SPATA13: variants seen among roughly 807,000 people sequenced by gnomAD.
SPATA13 encodes the protein spermatogenesis associated 13.
Under a neutral mutation model 104.0 loss-of-function variants are expected in SPATA13, and 50 were observed. The observed-to-expected ratio is 0.48, with a 90% confidence interval of 0.38 to 0.61. SPATA13 has a LOEUF of 0.61. Among genes scored for constraint, SPATA13 ranks in the 20% least tolerant of loss-of-function variants. The pLI is 0.00. For missense variants in SPATA13, 1,524 were observed against 1,690.6 expected, an observed-to-expected ratio of 0.90 and a Z score of 1.73; for synonymous variants, 606 against 667.5, an observed-to-expected ratio of 0.91 and a Z score of 1.42.
chr13:24,252,979 A>G (rs1873582249), intron 4 of SPATA13: 1 of 152,204 alleles, frequency 6.6e-6, no homozygotes, highest in Non-Finnish European at 1.5e-5. Flanking sequence ...AAAACATTTA[A>G]TTAAAGACCC....
At chr13:24,219,583 C>T (rs902959515) in intron 1 of SPATA13, among the ~76,000 whole-genome samples, 3 of 152,204 alleles carry the variant, frequency 2.0e-5, no homozygotes, top group Non-Finnish European at 2.9e-5. Context: ...GCATTCTTAC[C>T]CTCAGAGAGT....
intron 1 of SPATA13, among the ~76,000 whole-genome samples, chr13:23,980,248 G>C (rs1874817000): frequency 6.6e-6 from 1 of 152,352 alleles, no homozygotes; most frequent in African/African-American, 2.4e-5. Flanking sequence ...GAGCGCATAG[G>C]GGCGCCGGGG....
chr13:24,096,192 G>C (rs745874175), intron 3 of SPATA13, among the ~76,000 whole-genome samples: 4 of 152,158 alleles, frequency 2.6e-5, no homozygotes, highest in Admixed American at 1.3e-4. Context: ...GAACAAAACA[G>C]ACATAGCCCA....
intron 3 of SPATA13, among the ~76,000 whole-genome samples, chr13:24,120,796 A>T (rs543430692): frequency 1.5e-4 from 23 of 152,352 alleles, no homozygotes; most frequent in African/African-American, 5.3e-4. Flanking sequence ...AGGTGTTTTC[A>T]TTGCCTACCA....
At chr13:24,238,204 T>C (rs1041702758) in intron 2 of SPATA13, among the ~76,000 whole-genome samples, 2 of 142,124 alleles carry the variant, frequency 1.4e-5, no homozygotes, top group African/African-American at 5.2e-5. Flanking sequence ...TCTCCCAGAC[T>C]GGAGTGCAGT....
intron 3 of SPATA13, among the ~76,000 whole-genome samples, chr13:24,073,885 T>C (rs548867440): frequency 6.6e-6 from 1 of 152,330 alleles, no homozygotes; most frequent in South Asian, 2.1e-4. Flanking sequence ...GCCAGTTACG[T>C]AGACCAAGAC....
chr13:24,158,537 C>A (rs576847126), upstream of SPATA13, among the ~76,000 whole-genome samples: 1 of 152,334 alleles, frequency 6.6e-6, no homozygotes, highest in East Asian at 1.9e-4. Context: ...ACTGCGCCGC[C>A]TCTTCATGTC....
chr13:24,285,512 T>TGCC (rs1366278627), intron 5 of SPATA13, among the ~76,000 whole-genome samples: 216 of 152,040 alleles, frequency 1.4e-3, no homozygotes, highest in African/African-American at 5.0e-3. Context: ...CCTGCCTGCC[T>TGCC]TCCTCCCTCC....
intron 9 of SPATA13, among the ~76,000 whole-genome samples, chr13:24,293,426 T>A (rs1876543710): frequency 6.6e-6 from 1 of 152,184 alleles, no homozygotes; most frequent in South Asian, 2.1e-4. Flanking sequence ...GGCAGCTTAG[T>A]ACATTCCGAG....
rs552048201 is a variant in SPATA13, at chr13:23,988,817, C to G, written c.-147+4884C>G. Among the ~76,000 whole-genome samples the G allele has an allele frequency of 7.0e-4, 107 of 152,236 alleles. 1 individual carries two copies. The highest frequency in any genetic ancestry group is 1.3e-3 in the Non-Finnish European group (91 of 68,016). Reference sequence around the variant, plus strand: ...TCATTTCCTTTGTTCATTTGTCAGTCGGGCTGTTGGGTTTTTCTCCCCCCT... The same window carrying G: ...TCATTTCCTTTGTTCATTTGTCAGTGGGGCTGTTGGGTTTTTCTCCCCCCT... On this transcript the variant is annotated intron_variant, in intron 2 of 14. Transcript: ENST00000424834.
intron 1 of SPATA13, among the ~76,000 whole-genome samples, chr13:24,182,136 AT>A (rs1868855299): frequency 6.6e-6 from 1 of 152,182 alleles, no homozygotes; most frequent in South Asian, 2.1e-4. Flanking sequence ...GGATCCTTGC[AT>A]GGGGAAAGAG....
intron 4 of SPATA13, among the ~76,000 whole-genome samples, chr13:24,276,559 T>C (rs1874996047): frequency 6.6e-6 from 1 of 152,168 alleles, no homozygotes; most frequent in Admixed American, 6.5e-5. Context: ...GATGAAAAAG[T>C]TCTGTCGTAC....
At chr13:24,015,276 G>A (rs1042807329) in intron 2 of SPATA13, among the ~76,000 whole-genome samples, 1 of 152,146 alleles carries the variant, frequency 6.6e-6, no homozygotes, top group Non-Finnish European at 1.5e-5. Context: ...CAAAAACATC[G>A]CTGAAAGCCA....
chr13:24,223,959 C>T lies in SPATA13; in HGVS notation c.1030C>T (p.Pro344Ser). ...GAGTCCTAGGAGTGGGGCCCCATCC[C>T]CTGGAGAGGCCAGCCTGAGACTTCA... ...RESPRSGAPS[P>S]GEASLRLQAH... Residue 344 changes from proline to serine, a missense_variant, in exon 2 of 13, where the codon CCT becomes TCT. Transcript: ENST00000382108. 1.3e-6 allele frequency: 2 copies of T among 1,549,700 alleles called. No individual in the cohort carries two copies. Among genetic ancestry groups the T allele is most frequent in the South Asian group, 1.2e-5 (1 of 83,958 alleles).
chr13:24,059,737 A>G (rs1878711655), intron 3 of SPATA13, among the ~76,000 whole-genome samples: 1 of 152,210 alleles, frequency 6.6e-6, no homozygotes, highest in Admixed American at 6.5e-5. Context: ...TACCAGGTGA[A>G]GAGCTTTGGG....
At chr13:23,991,909 T>A (rs1875432827) in intron 2 of SPATA13, among the ~76,000 whole-genome samples, 1 of 152,172 alleles carries the variant, frequency 6.6e-6, no homozygotes, top group African/African-American at 2.4e-5. Flanking sequence ...TTTGGTATAG[T>A]GCAATGTGGA....
intron 2 of SPATA13, among the ~76,000 whole-genome samples, chr13:24,225,773 GT>G (rs1392338715): frequency 1.1e-4 from 17 of 152,226 alleles, no homozygotes; most frequent in Non-Finnish European, 5.9e-5. Context: ...CACGCCTGCA[GT>G]CCAGGGGCAT....
At chr13:23,998,747 A>T (rs960162561) in intron 2 of SPATA13, among the ~76,000 whole-genome samples, 2 of 152,086 alleles carry the variant, frequency 1.3e-5, no homozygotes, top group African/African-American at 4.8e-5. Flanking sequence ...GTTAATTTTT[A>T]TATGTGGCCT....
At chr13:24,246,540 G>GAA (rs1873142964) in intron 2 of SPATA13, among the ~76,000 whole-genome samples, 1 of 152,182 alleles carries the variant, frequency 6.6e-6, no homozygotes, top group Non-Finnish European at 1.5e-5. Context: ...GCGTGTCTCT[G>GAA]TGTGTGAGAG....
Sources: allele counts gnomAD v4.1 joint callset (sites outside exome capture counted in the v4.1 genomes callset), GRCh38; gene constraint gnomAD v4.1.1; transcripts MANE v1.5; gene names NCBI Gene and HGNC (gene_info 2026-07-23, HGNC 2026-07-21).